The following MCPH1 variants were observed in gnomAD, a reference collection of about 807,000 sequenced individuals.
MCPH1 encodes microcephalin 1.
MCPH1 carries 104 observed loss-of-function variants against 84.5 expected under a neutral mutation model. That is an observed-to-expected ratio of 1.23 (90% CI 1.05 to 1.45). The LOEUF (loss-of-function observed/expected upper bound fraction) is 1.45. Ranked by LOEUF, MCPH1 falls within the 40% of genes most tolerant of loss-of-function variation. The pLI, the probability that MCPH1 is intolerant of heterozygous loss-of-function variation, is 0.00. For missense variants in MCPH1, 1,498 were observed against 1,005.7 expected (o/e 1.49, Z -6.62); for synonymous variants, 514 against 366.8 (o/e 1.40, Z -4.58).
intron 9 of MCPH1, chr8:6,473,761 G>A (rs548745960): frequency 1.9e-5 from 14 of 746,582 alleles, no homozygotes; most frequent in Middle Eastern, 3.0e-4. Flanking sequence ...TTAATAAAGC[G>A]TTCCTGATAC....
intron 12 of MCPH1, among the ~76,000 whole-genome samples, chr8:6,601,344 C>T (rs1829344141): frequency 6.6e-6 from 1 of 152,142 alleles, no homozygotes; most frequent in Non-Finnish European, 1.5e-5. Flanking sequence ...GCAAAGCCTT[C>T]AAGACCTCTC....
At chr8:6,515,193 C>G (rs573919495) in intron 12 of MCPH1, among the ~76,000 whole-genome samples, 4 of 145,038 alleles carry the variant, frequency 2.8e-5, no homozygotes, top group African/African-American at 1.0e-4. Flanking sequence ...AGCCTTGAAA[C>G]CTTTCACTAA....
chr8:6,626,474 G>T lies in MCPH1; in HGVS notation c.2452+4783G>T, dbSNP rs77050477. The stretch of plus-strand genomic sequence containing the variant: ...GGTTGTTGTTTGGTTTTTTTGTTTT[G>T]TTTTTTTTTTTTTTTTTGCGTTTTG... On this transcript the variant is annotated intron_variant, in intron 13 of 13. Transcript: ENST00000344683. 6.7e-3 allele frequency: 6,173 copies of T among 923,404 alleles called. 11 individuals carry two copies. The highest frequency in any genetic ancestry group is 8.2e-3 in the South Asian group (159 of 19,304). 57.2% of individuals were successfully genotyped at this position (923,404 alleles called of 1,614,324 possible). A position where few individuals can be genotyped will look rare whatever the true frequency, so the allele number is the denominator to read the frequency against.
chr8:6,613,432 G>T (rs1830480674), intron 12 of MCPH1, among the ~76,000 whole-genome samples: 1 of 152,144 alleles, frequency 6.6e-6, no homozygotes, highest in African/African-American at 2.4e-5. Flanking sequence ...GTGGAGAGAA[G>T]GGCCAGGGAG....
chr8:6,562,968 A>T (rs777398738), intron 12 of MCPH1: 1 of 1,550,380 alleles, frequency 6.5e-7, no homozygotes. Context: ...AGCTTAGCAA[A>T]CTTGAGGGCA....
chr8:6,490,243 C>A (rs1810411470), intron 11 of MCPH1, among the ~76,000 whole-genome samples: 1 of 152,226 alleles, frequency 6.6e-6, no homozygotes, highest in Admixed American at 6.5e-5. Context: ...TCACACAGTT[C>A]TCACTGTAAA....
chr8:6,523,999 A>G (rs1477215912), intron 12 of MCPH1, among the ~76,000 whole-genome samples: 1 of 152,138 alleles, frequency 6.6e-6, no homozygotes, highest in Non-Finnish European at 1.5e-5. Flanking sequence ...AGCAGCAACT[A>G]AAGATGTTTC....
At chr8:6,433,963 T>G (rs1802258707) in intron 4 of MCPH1, among the ~76,000 whole-genome samples, 1 of 152,092 alleles carries the variant, frequency 6.6e-6, no homozygotes. Context: ...CGTTATCTGT[T>G]CCCTCTGTCT....
intron 5 of MCPH1, among the ~76,000 whole-genome samples, 188 bp from the exon 6 acceptor site, chr8:6,438,765 C>A (rs1803043310): frequency 6.6e-6 from 1 of 152,080 alleles, no homozygotes; most frequent in South Asian, 2.1e-4. Flanking sequence ...CAGATGTGAG[C>A]CAGCAGCTGT....
At chr8:6,618,249 C>T (rs1831057000) in intron 12 of MCPH1, among the ~76,000 whole-genome samples, 1 of 152,252 alleles carries the variant, frequency 6.6e-6, no homozygotes. Flanking sequence ...AATGAGAACA[C>T]CGCCTGCTGC....
chr8:6,421,074 A>G (rs1047982249), intron 3 of MCPH1, among the ~76,000 whole-genome samples: 2 of 152,156 alleles, frequency 1.3e-5, no homozygotes, highest in Non-Finnish European at 2.9e-5. Flanking sequence ...GGCTGCCCGC[A>G]TGCACAGTGC....
intron 1 of MCPH1, among the ~76,000 whole-genome samples, chr8:6,408,046 G>A (rs1237294647): frequency 6.6e-6 from 1 of 152,202 alleles, no homozygotes; most frequent in Non-Finnish European, 1.5e-5. Flanking sequence ...TGGCCACAAA[G>A]CCTGAAATAT....
intron 13 of MCPH1, chr8:6,625,665 C>A (rs902119542): frequency 1.0e-6 from 1 of 984,980 alleles, no homozygotes; most frequent in East Asian, 1.1e-4. Context: ...GGCGTGGTGG[C>A]CCATGCCTGT....
At chr8:6,474,773 G>C (rs1481978510) in intron 9 of MCPH1, among the ~76,000 whole-genome samples, 3 of 152,164 alleles carry the variant, frequency 2.0e-5, no homozygotes. Flanking sequence ...TCCAAGATGG[G>C]AGGATTGCCG....
At chr8:6,594,128 T>A (rs1171359915) in intron 12 of MCPH1, among the ~76,000 whole-genome samples, 1 of 152,242 alleles carries the variant, frequency 6.6e-6, no homozygotes, top group Non-Finnish European at 1.5e-5. Flanking sequence ...TTTGCTGAGT[T>A]GAGCAGGGGT....
chr8:6,590,318 G>T (rs532447471), intron 12 of MCPH1, among the ~76,000 whole-genome samples: 5 of 152,136 alleles, frequency 3.3e-5, no homozygotes, highest in African/African-American at 1.2e-4. Context: ...CTAAATGTGC[G>T]TTGGCCCATC....
Position 6,445,101 on chromosome 8 carries a change from A to G in MCPH1, c.1379A>G (p.Asp460Gly), listed in dbSNP as rs1804091592. The G allele has an allele frequency of 5.6e-6, 9 of 1,614,102 alleles. No individual in the cohort carries two copies. The highest frequency in any genetic ancestry group is 1.6e-4 in the Middle Eastern group (1 of 6,084). ...KERTSIFEMS[D>G]FSCVGKKTRT... ...AGAACAAGCATATTTGAAATGTCTG[A>G]TTTTTCCTGCGTTGGCAAAAAAACC... The change falls in exon 8 of 14, where the codon GAT (aspartate) becomes GGT (glycine). Residue 460 changes from aspartate to glycine, a missense_variant. Physicochemically the swap from Asp to Gly is moderately conservative, Grantham distance 94. Coordinates refer to ENST00000344683, the MANE Select transcript of MCPH1 (RefSeq NM_024596.5).
intron 12 of MCPH1, chr8:6,501,812 T>G (rs1421651617): frequency 6.6e-6 from 1 of 152,126 alleles, no homozygotes; most frequent in African/African-American, 2.4e-5. Flanking sequence ...CCACCTTGCC[T>G]ACCAATGTAC....
At chr8:6,616,842 T>G (rs1830840041) in intron 12 of MCPH1, 1 of 152,244 alleles carries the variant, frequency 6.6e-6, no homozygotes, top group African/African-American at 2.4e-5. Context: ...TAAGCTCCAC[T>G]TAATCCCCTC....
Sources: gnomAD v4.1 joint callset for allele counts (sites outside exome capture counted in the v4.1 genomes callset) on GRCh38, gnomAD v4.1.1 for gene constraint, MANE v1.5 for transcripts, NCBI Gene and HGNC (gene_info 2026-07-23, HGNC 2026-07-21) for gene names.